The following CSGALNACT1 variants were observed in gnomAD, a reference collection of about 807,000 sequenced individuals.
CSGALNACT1 encodes the protein chondroitin sulfate N-acetylgalactosaminyltransferase 1, also known as beta4GalNAcT-1.
In CSGALNACT1, 52 loss-of-function variants were observed where a neutral mutation model predicts 51.0. The ratio of observed to expected loss-of-function variants is 1.02; its 90% CI spans 0.82 to 1.29. The LOEUF (loss-of-function observed/expected upper bound fraction) is 1.29. CSGALNACT1 is among the 50% of genes most tolerant of loss of function. The pLI, the probability that CSGALNACT1 is intolerant of heterozygous loss-of-function variation, is 0.00. For missense variants in CSGALNACT1, 935 were observed against 679.2 expected, an observed-to-expected ratio of 1.38 and a Z score of -4.19; for synonymous variants, 341 against 254.4, an observed-to-expected ratio of 1.34 and a Z score of -3.24.
At chr8:19,471,705 G>C (rs897875512) in intron 4 of CSGALNACT1, among the ~76,000 whole-genome samples, 3 of 152,174 alleles carry the variant, frequency 2.0e-5, no homozygotes, top group East Asian at 3.9e-4. Context: ...AGGAAAGGTA[G>C]AGTACAAGGA....
chr8:19,417,351 A>C (rs1406511598), intron 8 of CSGALNACT1, among the ~76,000 whole-genome samples: 1 of 152,216 alleles, frequency 6.6e-6, no homozygotes, highest in Non-Finnish European at 1.5e-5. Context: ...GACATTGTCC[A>C]ACCTGAGGGC....
At chr8:19,736,142 A>G (rs1250538492) in intron 1 of CSGALNACT1, among the ~76,000 whole-genome samples, 1 of 152,190 alleles carries the variant, frequency 6.6e-6, no homozygotes, top group African/African-American at 2.4e-5. Flanking sequence ...TTTGTTTGCA[A>G]TGTGTGCACA....
chr8:19,468,266 A>G (rs971678413), intron 4 of CSGALNACT1, among the ~76,000 whole-genome samples: 1 of 152,222 alleles, frequency 6.6e-6, no homozygotes, highest in African/African-American at 2.4e-5. Flanking sequence ...TCGTGGAAGC[A>G]AAGGTAAGAA....
intron 1 of CSGALNACT1, among the ~76,000 whole-genome samples, chr8:19,634,115 C>A (rs976072110): frequency 5.9e-5 from 9 of 152,130 alleles, no homozygotes; most frequent in Admixed American, 3.3e-4. Context: ...TATAATTTTA[C>A]CTAAAAGTTA....
intron 1 of CSGALNACT1, among the ~76,000 whole-genome samples, chr8:19,642,905 C>G (rs1449267632): frequency 2.6e-5 from 4 of 151,968 alleles, no homozygotes; most frequent in African/African-American, 9.7e-5. Context: ...AGATTTTTCT[C>G]CATTTCAAAA....
intron 3 of CSGALNACT1, among the ~76,000 whole-genome samples, chr8:19,586,470 C>A (rs1479866465): frequency 6.6e-6 from 1 of 151,690 alleles, no homozygotes; most frequent in Non-Finnish European, 1.5e-5. Context: ...TGATTCTCAA[C>A]CTCTAAAACA....
At chr8:19,538,877 G>C (rs542551547) in intron 3 of CSGALNACT1, among the ~76,000 whole-genome samples, 1 of 151,942 alleles carries the variant, frequency 6.6e-6, no homozygotes. Context: ...CAACCTTGCC[G>C]CTGAGCTAGT....
At chr8:19,476,352 C>T (rs2069636416) in intron 4 of CSGALNACT1, among the ~76,000 whole-genome samples, 1 of 152,156 alleles carries the variant, frequency 6.6e-6, no homozygotes, top group Non-Finnish European at 1.5e-5. Context: ...GATTCTCCTG[C>T]CTCAGCCTCC....
intron 6 of CSGALNACT1, among the ~76,000 whole-genome samples, chr8:19,430,416 C>G (rs191447275): frequency 2.0e-5 from 3 of 152,144 alleles, no homozygotes; most frequent in African/African-American, 4.8e-5. Flanking sequence ...AAACAACTTT[C>G]GTTCTCTGCA....
At chr8:19,676,456 G>A (rs2060198425) in intron 1 of CSGALNACT1, among the ~76,000 whole-genome samples, 2 of 152,198 alleles carry the variant, frequency 1.3e-5, no homozygotes, top group South Asian at 4.1e-4. Context: ...TCGTCTTGAA[G>A]CAGAATGGAG....
At position 19,737,437 on chromosome 8, in the gene CSGALNACT1, T is replaced by A. The variant is rs954848376; in HGVS notation, c.-297+20413A>T. ...ATACTAAACAGGTGGGGATCACAGTTTTCTAATACTTTCTTTTAGGAAAAA... is the reference window on the plus strand; with the variant it reads ...ATACTAAACAGGTGGGGATCACAGTATTCTAATACTTTCTTTTAGGAAAAA... On this transcript the variant is annotated intron_variant, in intron 1 of 1. Transcript: ENST00000517494. Among the ~76,000 whole-genome samples, 3 of 152,304 alleles carry A rather than the reference T, an allele frequency of 2.0e-5. No individual in the cohort carries two copies. In the South Asian group the frequency reaches 6.2e-4, roughly 32 times the overall value.
intron 3 of CSGALNACT1, among the ~76,000 whole-genome samples, chr8:19,589,035 T>C (rs1024665944): frequency 3.3e-5 from 5 of 152,184 alleles, no homozygotes; most frequent in Non-Finnish European, 4.4e-5. Context: ...GACAAGCCTA[T>C]CCCAGGGTCA....
chr8:19,664,792 G>C (rs1214368506), intron 1 of CSGALNACT1, among the ~76,000 whole-genome samples: 1 of 152,092 alleles, frequency 6.6e-6, no homozygotes, highest in African/African-American at 2.4e-5. Flanking sequence ...ATCAGACACA[G>C]GTCAAATACT....
At chr8:19,424,636 C>T (rs1427272776) in intron 6 of CSGALNACT1, among the ~76,000 whole-genome samples, 1 of 152,184 alleles carries the variant, frequency 6.6e-6, no homozygotes, top group Non-Finnish European at 1.5e-5. Flanking sequence ...GAGGAATTGG[C>T]TTCTTCAAGT....
intron 1 of CSGALNACT1, among the ~76,000 whole-genome samples, chr8:19,624,083 T>C (rs2054156345): frequency 6.6e-6 from 1 of 152,210 alleles, no homozygotes; most frequent in Admixed American, 6.5e-5. Context: ...TCTTTTCTTC[T>C]AGTGCCCAGC....
intron 3 of CSGALNACT1, among the ~76,000 whole-genome samples, chr8:19,577,401 C>CAAAAAA (rs111734132): frequency 9.6e-5 from 10 of 104,266 alleles, no homozygotes; most frequent in African/African-American, 3.9e-4. Flanking sequence ...CCCACCTCTA[C>CAAAAAA]AAAAAAAAAA....
chr8:19,742,450 C>G (rs1041788065), intron 1 of CSGALNACT1, among the ~76,000 whole-genome samples: 1 of 152,240 alleles, frequency 6.6e-6, no homozygotes, highest in African/African-American at 2.4e-5. Context: ...GATCACTGCC[C>G]TTGCAGGCTG....
At chr8:19,499,984 C>T (rs1037412512) in intron 4 of CSGALNACT1, among the ~76,000 whole-genome samples, 1 of 152,156 alleles carries the variant, frequency 6.6e-6, no homozygotes, top group Non-Finnish European at 1.5e-5. Flanking sequence ...AGCCTCAAGC[C>T]ATGTATTTGC....
At chr8:19,663,946 T>TA (rs753816463) in intron 1 of CSGALNACT1, among the ~76,000 whole-genome samples, 17 of 152,186 alleles carry the variant, frequency 1.1e-4, no homozygotes, top group Non-Finnish European at 2.1e-4. Context: ...GTCACTCTTG[T>TA]ACAAAGAGTA....
Sources: allele counts gnomAD v4.1 joint callset (sites outside exome capture counted in the v4.1 genomes callset), GRCh38; gene constraint gnomAD v4.1.1; transcripts MANE v1.5; gene names NCBI Gene and HGNC (gene_info 2026-07-23, HGNC 2026-07-21).